ANKRD55: variants seen among roughly 807,000 people sequenced by gnomAD.
ANKRD55 encodes the protein ankyrin repeat domain 55, also known as ankyrin repeat domain-containing protein 55.
ANKRD55 carries 41 observed loss-of-function variants against 60.6 expected under a neutral mutation model. The observed-to-expected ratio is 0.68, with a 90% CI of 0.53 to 0.88. The LOEUF is 0.88. Ranked by LOEUF, ANKRD55 falls within the 40% of genes least tolerant of loss-of-function variation. The pLI, the probability that ANKRD55 is intolerant of heterozygous loss-of-function variation, is 0.00. For missense variants in ANKRD55, 732 were observed against 767.6 expected, an observed-to-expected ratio of 0.95 and a Z score of 0.55; for synonymous variants, 264 against 290.3, an observed-to-expected ratio of 0.91 and a Z score of 0.92.
At chr5:56,161,716 A>G (rs1758335709) in intron 5 of ANKRD55, among the ~76,000 whole-genome samples, 3 of 152,158 alleles carry the variant, frequency 2.0e-5, no homozygotes, top group African/African-American at 7.2e-5. Flanking sequence ...ATCTTCATGT[A>G]TATCAGAGGG....
chr5:56,191,207 A>G (rs999626456), intron 2 of ANKRD55, among the ~76,000 whole-genome samples: 2 of 152,174 alleles, frequency 1.3e-5, no homozygotes, highest in African/African-American at 4.8e-5. Flanking sequence ...GAAATTCAAT[A>G]TGTATATTAG....
chr5:56,213,412 A>T (rs1581025904), intron 2 of ANKRD55, among the ~76,000 whole-genome samples: 1 of 152,270 alleles, frequency 6.6e-6, no homozygotes, highest in East Asian at 1.9e-4. Context: ...TGGATTACTC[A>T]TCGGACATTT....
intron 2 of ANKRD55, among the ~76,000 whole-genome samples, chr5:56,213,032 G>A (rs1173781425): frequency 6.6e-6 from 1 of 152,104 alleles, no homozygotes; most frequent in Non-Finnish European, 1.5e-5. Context: ...TACCTTCTGA[G>A]ACTAAGATGC....
At chr5:56,226,534 A>G (rs1051610891) in intron 2 of ANKRD55, among the ~76,000 whole-genome samples, 6 of 152,128 alleles carry the variant, frequency 3.9e-5, no homozygotes, top group African/African-American at 1.4e-4. Context: ...AAAAACTACC[A>G]TCAGAGTGAA....
chr5:56,142,328 C>A (rs1757793223), intron 7 of ANKRD55, among the ~76,000 whole-genome samples: 1 of 152,214 alleles, frequency 6.6e-6, no homozygotes, highest in Admixed American at 6.5e-5. Flanking sequence ...AGTGAGACTC[C>A]ATTTCAGAAA....
At chr5:56,233,059 G>A (rs1760297478) in intron 1 of ANKRD55, 113 bp from the exon 2 acceptor site, 2 of 706,942 alleles carry the variant, frequency 2.8e-6, no homozygotes, top group African/African-American at 1.8e-5. Flanking sequence ...GCTGCAGGTT[G>A]TTGTCAAGGC....
chr5:56,169,359 G>GT (rs1477042726), intron 5 of ANKRD55, among the ~76,000 whole-genome samples: 1 of 151,786 alleles, frequency 6.6e-6, no homozygotes, highest in African/African-American at 2.4e-5. Context: ...ACATTTTAAA[G>GT]TTATTTTCTA....
chr5:56,229,635 G>C (rs1168313877), intron 2 of ANKRD55, among the ~76,000 whole-genome samples: 1 of 152,158 alleles, frequency 6.6e-6, no homozygotes, highest in Non-Finnish European at 1.5e-5. Flanking sequence ...GGCATGCCTC[G>C]TTGCCTCTAG....
chr5:56,150,541 T>C (rs1416291544), intron 6 of ANKRD55, among the ~76,000 whole-genome samples: 1 of 151,576 alleles, frequency 6.6e-6, no homozygotes, highest in Non-Finnish European at 1.5e-5. Context: ...GAGGCAGAGG[T>C]TGCAGTGAAC....
At chr5:56,179,614 G>T (rs1758813926) in intron 3 of ANKRD55, among the ~76,000 whole-genome samples, 1 of 152,172 alleles carries the variant, frequency 6.6e-6, no homozygotes, top group African/African-American at 2.4e-5. Context: ...GTCCTTAAAT[G>T]ATCCACTTTG....
chr5:56,107,994 C>T (rs1442458614), intron 10 of ANKRD55, among the ~76,000 whole-genome samples: 1 of 152,004 alleles, frequency 6.6e-6, no homozygotes, highest in Non-Finnish European at 1.5e-5. Context: ...CTCAGCCCCC[C>T]AAGTAGCTGA....
intron 2 of ANKRD55, among the ~76,000 whole-genome samples, chr5:56,201,959 C>T (rs1301864181): frequency 3.9e-5 from 6 of 152,160 alleles, no homozygotes; most frequent in Non-Finnish European, 7.3e-5. Flanking sequence ...GAATACTATG[C>T]AGCAATAAAA....
chr5:56,122,096 G>A (rs746093948), intron 8 of ANKRD55, among the ~76,000 whole-genome samples: 12 of 152,182 alleles, frequency 7.9e-5, no homozygotes, highest in Non-Finnish European at 1.5e-4. Flanking sequence ...CAACTTGCTG[G>A]GAGATAGAGT....
intron 7 of ANKRD55, chr5:56,136,977 AAAT>A (rs1757620255): frequency 1.7e-6 from 1 of 589,886 alleles, no homozygotes; most frequent in African/African-American, 1.8e-5. Context: ...TAATCTGTGA[AAAT>A]GATTCGCTCT....
intron 2 of ANKRD55, among the ~76,000 whole-genome samples, chr5:56,230,382 G>A (rs543814877): frequency 2.0e-5 from 3 of 152,266 alleles, no homozygotes; most frequent in Non-Finnish European, 2.9e-5. Context: ...CGTGAGCCTT[G>A]CGCCCGGCCC....
chr5:56,174,387 C>A lies in ANKRD55; in HGVS notation c.312+1765G>T, dbSNP rs1483221409. ...TCAACTTTAGAAACCCCTTCTATGC[C>A]CTTCCTCTACCCCCTTATCCCAGTT... On this transcript the variant is annotated intron_variant, in intron 4 of 11. Coordinates refer to ENST00000341048, the MANE Select transcript of ANKRD55 (RefSeq NM_024669.3). Among the ~76,000 whole-genome samples the A allele has an allele frequency of 2.0e-5, 3 of 152,108 alleles. No individual in the cohort carries two copies. In the East Asian group the frequency reaches 5.8e-4, roughly 29 times the overall value.
intron 6 of ANKRD55, among the ~76,000 whole-genome samples, chr5:56,148,391 G>C (rs1403756303): frequency 6.6e-6 from 1 of 152,168 alleles, no homozygotes; most frequent in Non-Finnish European, 1.5e-5. Context: ...AAAAAGTATT[G>C]ATTGGCTCAA....
intron 2 of ANKRD55, among the ~76,000 whole-genome samples, chr5:56,189,219 G>A (rs886888089): frequency 1.1e-4 from 17 of 151,300 alleles, no homozygotes; most frequent in Non-Finnish European, 1.9e-4. Flanking sequence ...GCTGAGGCAG[G>A]AGAATGGTGT....
At chr5:56,127,608 A>G (rs975206042) in intron 7 of ANKRD55, 1 of 982,984 alleles carries the variant, frequency 1.0e-6, no homozygotes, top group Non-Finnish European at 1.2e-6. Flanking sequence ...GCCAAGGAGC[A>G]GGGGGCTGAG....
Sources: gnomAD v4.1 joint callset for allele counts (sites outside exome capture counted in the v4.1 genomes callset) on GRCh38, gnomAD v4.1.1 for gene constraint, MANE v1.5 for transcripts, NCBI Gene and HGNC (gene_info 2026-07-23, HGNC 2026-07-21) for gene names.